Variants in DNAJC13 observed in about 807,000 individuals in gnomAD.
The protein encoded by DNAJC13 is DnaJ heat shock protein family (Hsp40) member C13, also known as dnaJ homolog subfamily C member 13.
Under a neutral mutation model 290.5 loss-of-function variants are expected in DNAJC13, and 75 were observed. That is an observed-to-expected ratio of 0.26 (90% CI 0.21 to 0.31). The LOEUF (loss-of-function observed/expected upper bound fraction) is 0.31. Among genes scored for constraint, DNAJC13 ranks in the 10% least tolerant of loss-of-function variants. DNAJC13 has a pLI of 1.00. For synonymous variants in DNAJC13, 862 were observed against 892.0 expected, an observed-to-expected ratio of 0.97 and a Z score of 0.60; for missense variants, 2,260 against 2,674.5, an observed-to-expected ratio of 0.85 and a Z score of 3.42.
At chr3:132,516,299 T>A in intron 46 of DNAJC13, 123 bp from the exon 47 acceptor site, 1 of 861,634 alleles carries the variant, frequency 1.2e-6, no homozygotes, top group South Asian at 1.6e-5. Context: ...TCACTGGTTA[T>A]TATGAGGATT....
intron 48 of DNAJC13, among the ~76,000 whole-genome samples, chr3:132,519,357 T>G (rs911531919): frequency 6.6e-6 from 1 of 152,224 alleles, no homozygotes; most frequent in East Asian, 1.9e-4. Context: ...TGCATTTCCC[T>G]GGTGGCTAAT....
chr3:132,438,946 C>G (rs1047066421), intron 2 of DNAJC13, among the ~76,000 whole-genome samples: 1 of 152,042 alleles, frequency 6.6e-6, no homozygotes, highest in Non-Finnish European at 1.5e-5. Context: ...CTGTTTTGGC[C>G]TAAGTAAGCC....
In DNAJC13 at chr3:132,453,656, G is replaced by A; in HGVS notation, c.802G>A (p.Ala268Thr). The change falls in exon 8 of 56, where the codon GCA (alanine) becomes ACA (threonine). Residue 268 changes from alanine (A) to threonine (T), a missense_variant. Ala to Thr is a moderately conservative substitution (Grantham distance 58). Around this residue, in one of 3 missense-constraint regions of DNAJC13, gnomAD observed 762 missense variants for 964.1 expected, o/e 0.79. Transcript: ENST00000260818. The part of the protein sequence containing the change: ...TETCLVERDP[A>T]TYNIATLKPL... ...AACATGTTTAGTAGAACGTGATCCG[G>A]CAACCTATAATATTGCAACATTGAA... is the stretch of plus-strand genomic sequence containing the variant. 1 of 1,613,386 alleles carries A rather than the reference G, an allele frequency of 6.2e-7. No homozygotes were observed.
intron 35 of DNAJC13, 83 bp from the exon 36 acceptor site, chr3:132,496,445 A>G (rs896603927): frequency 1.6e-6 from 2 of 1,231,692 alleles, no homozygotes; most frequent in Non-Finnish European, 1.1e-6. Context: ...AAAGTTACTG[A>G]TAAAATGCAA....
At chr3:132,441,710 T>C (rs984800998) in intron 2 of DNAJC13, among the ~76,000 whole-genome samples, 1 of 152,256 alleles carries the variant, frequency 6.6e-6, no homozygotes, top group Non-Finnish European at 1.5e-5. Flanking sequence ...ATAGATGTTA[T>C]GATGGCGACC....
chr3:132,516,290 C>A, intron 46 of DNAJC13, 132 bp from the exon 47 acceptor site: 1 of 815,412 alleles, frequency 1.2e-6, no homozygotes, highest in African/African-American at 1.7e-5. Flanking sequence ...ATACCTGTCT[C>A]ACTGGTTATT....
chr3:132,480,204 A>G (rs1934619809), intron 25 of DNAJC13, among the ~76,000 whole-genome samples, 165 bp from the exon 26 acceptor site: 1 of 152,192 alleles, frequency 6.6e-6, no homozygotes, highest in East Asian at 1.9e-4. Flanking sequence ...AAAATGCTGA[A>G]AAGACCAAGT....
intron 2 of DNAJC13, among the ~76,000 whole-genome samples, chr3:132,440,214 G>A (rs975236591): frequency 7.9e-5 from 12 of 152,174 alleles, no homozygotes; most frequent in African/African-American, 2.2e-4. Flanking sequence ...CTGAGATTAC[G>A]CCGCTACACT....
chr3:132,497,469 T>C (rs1935270326), intron 36 of DNAJC13, among the ~76,000 whole-genome samples: 1 of 151,236 alleles, frequency 6.6e-6, no homozygotes, highest in Non-Finnish European at 1.5e-5. Context: ...GAGTGTTGGG[T>C]AACTAAAGAC....
chr3:132,440,317 T>C (rs1177196869), intron 2 of DNAJC13, among the ~76,000 whole-genome samples: 1 of 152,258 alleles, frequency 6.6e-6, no homozygotes, highest in East Asian at 1.9e-4. Flanking sequence ...TGTTCAGTTA[T>C]TCTACTGGAG....
chr3:132,456,333 G>T lies in DNAJC13; in HGVS notation c.1031G>T (p.Gly344Val). Reference protein sequence around the residue: ...MTPTHKGQRWGLLSMPVDEEV... With the variant: ...MTPTHKGQRWVLLSMPVDEEV... Reference sequence around the variant, plus strand: ...CCAACCCATAAAGGTCAGCGATGGGGGTTACTCAGCATGCCTGTTGATGAG... The same window carrying T: ...CCAACCCATAAAGGTCAGCGATGGGTGTTACTCAGCATGCCTGTTGATGAG... Residue 344 changes from glycine to valine, a missense_variant, in exon 10 of 56, where the codon GGG becomes GTG. Transcript: ENST00000260818. The T allele has an allele frequency of 6.2e-7, 1 of 1,613,944 alleles. No individual in the cohort carries two copies. Among genetic ancestry groups the T allele is most frequent in the Non-Finnish European group, 8.5e-7 (1 of 1,179,908 alleles).
intron 43 of DNAJC13, among the ~76,000 whole-genome samples, chr3:132,508,108 A>G (rs988222823): frequency 6.6e-6 from 1 of 152,228 alleles, no homozygotes; most frequent in African/African-American, 2.4e-5. Flanking sequence ...ACCAGCCACA[A>G]CATTCCCATA....
chr3:132,426,577 A>G lies in DNAJC13; in HGVS notation c.-13-7961A>G, dbSNP rs72990482. On this transcript the variant is annotated intron_variant, in intron 1 of 55. Coordinates refer to ENST00000260818, the MANE Select transcript of DNAJC13 (RefSeq NM_015268.4). Reference sequence around the variant, plus strand: ...AGTTGGACAGTTTGTGGTTGTTGATAGCATGTGCTTATATTTGACTGTTAC... The same window carrying G: ...AGTTGGACAGTTTGTGGTTGTTGATGGCATGTGCTTATATTTGACTGTTAC... Among the ~76,000 whole-genome samples, 1,182 of 152,346 alleles carry G rather than the reference A, an allele frequency of 7.8e-3. 12 individuals are homozygous for G. The highest frequency in any genetic ancestry group is 0.029 in the East Asian group (151 of 5,188).
At chr3:132,475,124 T>C (rs753549784) in intron 22 of DNAJC13, 39 bp downstream of exon 22, 1 of 1,486,400 alleles carries the variant, frequency 6.7e-7, no homozygotes, top group Non-Finnish European at 9.0e-7. Context: ...TCTTAAAAAA[T>C]AAAGCATGTA....
At chr3:132,469,998 A>ATTTTTTTTTTTTTTTT (rs1934141537) in intron 20 of DNAJC13, among the ~76,000 whole-genome samples, 1 of 52,208 alleles carries the variant, frequency 1.9e-5, no homozygotes. Flanking sequence ...TTTTTAATTT[A>ATTTTTTTTTTTTTTTT]TTTTTTTATT....
intron 15 of DNAJC13, among the ~76,000 whole-genome samples, chr3:132,462,238 CTTCT>C (rs1430932719): frequency 1.3e-5 from 2 of 151,898 alleles, no homozygotes; most frequent in African/African-American, 2.4e-5. Flanking sequence ...AAATAGATGC[CTTCT>C]GTTTCCTACT....
intron 55 of DNAJC13, among the ~76,000 whole-genome samples, chr3:132,537,973 AT>A (rs1172964796): frequency 6.6e-6 from 1 of 152,236 alleles, no homozygotes; most frequent in Non-Finnish European, 1.5e-5. Context: ...ACATTTTGAA[AT>A]GATTTCTAGT....
At chr3:132,475,588 A>G (rs1345930799) in intron 22 of DNAJC13, among the ~76,000 whole-genome samples, 46 of 152,228 alleles carry the variant, frequency 3.0e-4, no homozygotes, top group Non-Finnish European at 1.5e-5. Context: ...TATTATAAAC[A>G]TATACAATTT....
chr3:132,522,630 G>A (rs902449737), intron 48 of DNAJC13, among the ~76,000 whole-genome samples, 198 bp from the exon 49 acceptor site: 1 of 152,122 alleles, frequency 6.6e-6, no homozygotes, highest in Non-Finnish European at 1.5e-5. Flanking sequence ...GGTTCAGGTC[G>A]TACTGAGTCT....
Sources: allele counts gnomAD v4.1 joint callset (sites outside exome capture counted in the v4.1 genomes callset), GRCh38; gene constraint gnomAD v4.1.1; regional missense constraint gnomAD v4.1.1; transcripts MANE v1.5; gene names NCBI Gene and HGNC (gene_info 2026-07-23, HGNC 2026-07-21).